Variants in GLYATL3 observed in about 807,000 individuals in gnomAD.
GLYATL3 encodes the protein glycine-N-acyltransferase like 3.
A neutral mutation model predicts 28.5 loss-of-function variants in GLYATL3; 31 were observed. The ratio of observed to expected loss-of-function variants is 1.09; its 90% CI spans 0.82 to 1.47. GLYATL3 has a LOEUF of 1.47. Ranked by LOEUF, GLYATL3 falls within the 40% of genes most tolerant of loss-of-function variation. The pLI is 0.00. For missense variants in GLYATL3, 369 were observed against 351.5 expected (o/e 1.05, Z -0.40); for synonymous variants, 141 against 140.2 (o/e 1.01, Z -0.04).
At chr6:49,520,678 G>A (rs1362177064) in intron 4 of GLYATL3, among the ~76,000 whole-genome samples, 1 of 152,106 alleles carries the variant, frequency 6.6e-6, no homozygotes, top group Non-Finnish European at 1.5e-5. Context: ...ATGGGGATTT[G>A]GAAAGGTGGA....
chr6:49,521,775 T>A lies in GLYATL3; in HGVS notation c.440+4T>A, dbSNP rs185699739. 6.4e-7 allele frequency: 1 copy of A among 1,550,710 alleles called. No homozygotes were observed. Among genetic ancestry groups the A allele is most frequent in the Non-Finnish European group, 8.7e-7 (1 of 1,146,644 alleles). ...CTCTGCCAGATACCAGTTTCCTGTA[T>A]GTAAACCAAGTTTTTGCATTTGGGG... On this transcript the variant is annotated splice_donor_region_variant and intron_variant, in intron 5 of 5. Transcript: ENST00000371197.
At chr6:49,523,662 T>C (rs900272868) in intron 5 of GLYATL3, among the ~76,000 whole-genome samples, 15 of 152,238 alleles carry the variant, frequency 9.9e-5, no homozygotes, top group African/African-American at 3.6e-4. Flanking sequence ...TCCCTTAAAA[T>C]ACTGTTAACA....
chr6:49,524,647 G>T (rs1265138769), intron 5 of GLYATL3, among the ~76,000 whole-genome samples: 1 of 152,118 alleles, frequency 6.6e-6, no homozygotes, highest in Non-Finnish European at 1.5e-5. Flanking sequence ...TTGAAGGTTG[G>T]TACTATTTAA....
chr6:49,521,911 G>A (rs1769323492), intron 5 of GLYATL3, 140 bp downstream of exon 5: 1 of 651,594 alleles, frequency 1.5e-6, no homozygotes, highest in Non-Finnish European at 2.6e-6. Flanking sequence ...GGGAGTATGT[G>A]TGTGAGTGTG....
In GLYATL3 at chr6:49,521,826, C is replaced by T. The variant is rs145841264; in HGVS notation, c.440+55C>T. On this transcript the variant is annotated intron_variant, in intron 5 of 5. Coordinates refer to ENST00000371197, the MANE Select transcript of GLYATL3 (RefSeq NM_001010904.2). ...CAGGACTTACTGCTATAGAAGTACA[C>T]GTAGCAGTAACTGGGGTACTTAGTA... 2.9e-4 allele frequency: 428 copies of T among 1,463,506 alleles called. 1 individual carries two copies. In the East Asian group the frequency reaches 5.8e-3, roughly 20 times the overall value. 90.7% of individuals were successfully genotyped at this position (1,463,506 alleles called of 1,614,324 possible).
intron 3 of GLYATL3, among the ~76,000 whole-genome samples, chr6:49,516,053 G>A (rs970509232): frequency 9.9e-5 from 15 of 151,370 alleles, no homozygotes; most frequent in African/African-American, 2.2e-4. Flanking sequence ...TCCTGCCTCC[G>A]CCTCCTGAGT....
At chr6:49,500,091 T>C (rs2127430173) in intron 1 of GLYATL3, 49 bp downstream of exon 1, 1 of 152,294 alleles carries the variant, frequency 6.6e-6, no homozygotes, top group South Asian at 2.1e-4. Flanking sequence ...TAGTTTATAA[T>C]TGCAGAAAGG....
intron 1 of GLYATL3, among the ~76,000 whole-genome samples, chr6:49,509,959 TTTC>T (rs1227368277): frequency 1.1e-5 from 1 of 89,484 alleles, no homozygotes; most frequent in African/African-American, 3.4e-5. Context: ...TCTTTCTTTC[TTTC>T]TTTCTTTCTT....
chr6:49,523,990 G>C (rs1404758569), intron 5 of GLYATL3, among the ~76,000 whole-genome samples: 3 of 141,384 alleles, frequency 2.1e-5, no homozygotes. Flanking sequence ...CATACAGTTA[G>C]ACATTTTGTC....
intron 4 of GLYATL3, among the ~76,000 whole-genome samples, chr6:49,518,269 T>C (rs926831554): frequency 9.9e-5 from 15 of 152,200 alleles, no homozygotes; most frequent in Non-Finnish European, 1.6e-4. Flanking sequence ...AGAGTTTATA[T>C]GAGCTGTGAG....
intron 1 of GLYATL3, among the ~76,000 whole-genome samples, chr6:49,504,176 G>A (rs577376398): frequency 1.3e-5 from 2 of 152,016 alleles, no homozygotes; most frequent in African/African-American, 2.4e-5. Context: ...CAGGATGGCT[G>A]ACTGGATTGT....
chr6:49,511,861 T>A, intron 1 of GLYATL3, 102 bp from the exon 2 acceptor site: 2 of 506,576 alleles, frequency 3.9e-6, no homozygotes, highest in Non-Finnish European at 3.5e-6. Flanking sequence ...GCAATGGCAG[T>A]CAGAATTATA....
chr6:49,508,934 G>T (rs1032720321), intron 1 of GLYATL3, among the ~76,000 whole-genome samples: 4 of 151,886 alleles, frequency 2.6e-5, no homozygotes, highest in African/African-American at 7.3e-5. Flanking sequence ...CCAAGATCAT[G>T]CCACTGCACT....
chr6:49,524,670 C>T (rs1302534928), intron 5 of GLYATL3, among the ~76,000 whole-genome samples: 1 of 152,080 alleles, frequency 6.6e-6, no homozygotes, highest in Non-Finnish European at 1.5e-5. Context: ...TAGAAAACAG[C>T]AGGCCGAGGA....
At chr6:49,518,939 T>C (rs1007147872) in intron 4 of GLYATL3, among the ~76,000 whole-genome samples, 1 of 134,964 alleles carries the variant, frequency 7.4e-6, no homozygotes, top group Non-Finnish European at 1.7e-5. Flanking sequence ...AGACTCCATC[T>C]CAAAAAAAAA....
intron 1 of GLYATL3, among the ~76,000 whole-genome samples, chr6:49,506,157 G>A (rs1349216301): frequency 1.3e-5 from 2 of 152,204 alleles, no homozygotes; most frequent in Non-Finnish European, 1.5e-5. Flanking sequence ...GCTTAATGGA[G>A]TGAGCTTCTA....
chr6:49,511,958 A>G lies in GLYATL3; in HGVS notation c.-28-5A>G. On this transcript the variant is annotated splice_polypyrimidine_tract_variant and splice_region_variant and intron_variant, in intron 1 of 5. Coordinates refer to ENST00000371197, the MANE Select transcript of GLYATL3 (RefSeq NM_001010904.2). ...TTAAATGCCTACCTTCAAGTTTCTAATTAGGTGTGGAGTTGCAAGAGCTCT... is the reference window on the plus strand; with the variant it reads ...TTAAATGCCTACCTTCAAGTTTCTAGTTAGGTGTGGAGTTGCAAGAGCTCT... 9.4e-7 allele frequency: 1 copy of G among 1,062,378 alleles called. No homozygotes were observed. The highest frequency in any genetic ancestry group is 1.4e-6 in the Non-Finnish European group (1 of 727,964). The allele number at this position is 1,062,378 out of a possible 1,614,324, so 65.8% of individuals were successfully genotyped here. A position where few individuals can be genotyped will look rare whatever the true frequency, so the allele number is the denominator to read the frequency against.
intron 1 of GLYATL3, among the ~76,000 whole-genome samples, chr6:49,505,795 G>A (rs1240057482): frequency 2.0e-5 from 3 of 152,210 alleles, no homozygotes; most frequent in Non-Finnish European, 4.4e-5. Flanking sequence ...AAGAGTCTTA[G>A]AGGCTGAATT....
rs1407226601 is a variant in GLYATL3, at chr6:49,527,948, T to A, written c.*1034T>A. ...ATAAATGACTTTTTCAAGATTATATTCTTTATAATCAGTACTGGAGGCAAA... is the reference window on the plus strand; with the variant it reads ...ATAAATGACTTTTTCAAGATTATATACTTTATAATCAGTACTGGAGGCAAA... On this transcript the variant is annotated 3_prime_UTR_variant, in exon 6 of 6. Coordinates refer to ENST00000371197, the MANE Select transcript of GLYATL3 (RefSeq NM_001010904.2). Among the ~76,000 whole-genome samples the A allele has an allele frequency of 2.6e-5, 4 of 152,214 alleles. No homozygotes were observed. The highest frequency in any genetic ancestry group is 9.6e-5 in the African/African-American group (4 of 41,458).
Sources: gnomAD v4.1 joint callset for allele counts (sites outside exome capture counted in the v4.1 genomes callset) on GRCh38, gnomAD v4.1.1 for gene constraint, MANE v1.5 for transcripts, NCBI Gene and HGNC (gene_info 2026-07-23, HGNC 2026-07-21) for gene names.